Variants in SMOX observed in about 807,000 individuals in gnomAD.
SMOX encodes the protein flavin containing amine oxidase.
A neutral mutation model predicts 51.0 loss-of-function variants in SMOX; 22 were observed. The observed-to-expected ratio is 0.43, with a 90% CI of 0.31 to 0.62. SMOX has a LOEUF of 0.62. Ranked by LOEUF, SMOX falls within the 20% of genes least tolerant of loss-of-function variation. SMOX has a pLI of 0.10. For synonymous variants in SMOX, 282 were observed against 307.8 expected (o/e 0.92, Z 0.88); for missense variants, 566 against 777.7 (o/e 0.73, Z 3.24).
At chr20:4,174,993 C>T in intron 1 of SMOX, 37 bp from the exon 2 acceptor site, 1 of 1,592,952 alleles carries the variant, frequency 6.3e-7, no homozygotes, top group Non-Finnish European at 8.6e-7. Flanking sequence ...GAAGTGAAGG[C>T]AGAGCCACTA....
chr20:4,159,353 C>T lies in SMOX; in HGVS notation c.-27+10376C>T, dbSNP rs528053338. Among the ~76,000 whole-genome samples the T allele has an allele frequency of 1.6e-3, 247 of 152,272 alleles. 1 individual carries two copies. The highest frequency in any genetic ancestry group is 5.9e-3 in the African/African-American group (245 of 41,534). On this transcript the variant is annotated intron_variant, in intron 1 of 6. Coordinates refer to ENST00000305958, the MANE Select transcript of SMOX (RefSeq NM_175839.3). ...TCTCAAACTCCTGACTTCAAGTGAT[C>T]CGCCCACTTCGACCTCCCAAAGTGC...
At chr20:4,165,611 G>A (rs564079696) in intron 1 of SMOX, among the ~76,000 whole-genome samples, 1 of 152,306 alleles carries the variant, frequency 6.6e-6, no homozygotes, top group East Asian at 1.9e-4. Context: ...TTATCCTAAG[G>A]GCCACTAAAG....
At chr20:4,156,024 G>T (rs6076623) in intron 1 of SMOX, among the ~76,000 whole-genome samples, 36,729 of 152,088 alleles carry the variant, frequency 0.24, 5,606 homozygotes, top group Non-Finnish European at 0.32. Context: ...TGCGGGATGG[G>T]AGGGGATAAC....
rs1245073300 is a variant in SMOX, at chr20:4,187,089, A to C, written c.1531-181A>C. ...CAAGACAGAAAGAGCCAAGGGAAGA[A>C]GCAGGGGAAAGTGGCCAGATAGGAT... is the stretch of plus-strand genomic sequence containing the variant. On this transcript the variant is annotated intron_variant, in intron 6 of 6. Coordinates refer to ENST00000305958, the MANE Select transcript of SMOX (RefSeq NM_175839.3). The surrounding 1 kb of genome is among the most constrained non-coding windows in gnomAD (Gnocchi z 4.8). 6.6e-6 allele frequency among the ~76,000 whole-genome samples: 1 copy of C among 152,208 alleles called. No homozygotes were observed. Among genetic ancestry groups the C allele is most frequent in the Non-Finnish European group, 1.5e-5 (1 of 68,032 alleles).
chr20:4,163,330 T>C (rs1225182300), intron 1 of SMOX, among the ~76,000 whole-genome samples: 1 of 152,222 alleles, frequency 6.6e-6, no homozygotes, highest in Non-Finnish European at 1.5e-5. Context: ...AGTTCCTGTC[T>C]CTTGGGCCTT....
rs564239607 is a variant in SMOX at position 4,149,451 on chromosome 20, C to T, written c.-27+474C>T. On this transcript the variant is annotated intron_variant, in intron 1 of 6. Coordinates refer to ENST00000305958, the MANE Select transcript of SMOX (RefSeq NM_175839.3). This position sits in a 1 kb window ranked among gnomAD's most constrained non-coding sequence, Gnocchi z 6.0. ...AGGACAGAAGGCTCCCGGGTGATGG[C>T]CCGAACGCCAGGAGAGGCTGTGCTG... is the stretch of plus-strand genomic sequence containing the variant. Among the ~76,000 whole-genome samples the T allele has an allele frequency of 4.4e-3, 667 of 152,254 alleles. 4 individuals carry two copies. The highest frequency in any genetic ancestry group is 0.015 in the African/African-American group (619 of 41,570).
rs372589961 is a variant in SMOX at position 4,181,953 on chromosome 20, G to T, written c.586G>T (p.Ala196Ser). ...DPEATKRLKL[A>S]MIQQYLKVES... Reference sequence around the variant, plus strand: ...AGAGGCTACCAAGCGCCTGAAGCTCGCCATGATCCAGCAGTACCTGAAGGT... The same window carrying T: ...AGAGGCTACCAAGCGCCTGAAGCTCTCCATGATCCAGCAGTACCTGAAGGT... Residue 196 changes from alanine to serine, a missense_variant, in exon 4 of 7, where the codon GCC (alanine) becomes TCC (serine). By Grantham distance (99) the Ala-to-Ser change is moderately conservative (BLOSUM62 1). Around this residue, in one of 3 missense-constraint regions of SMOX, gnomAD observed 217 missense variants for 278.4 expected, o/e 0.78. Coordinates refer to ENST00000305958, the MANE Select transcript of SMOX (RefSeq NM_175839.3). This position sits in a 1 kb window ranked among gnomAD's most constrained non-coding sequence, Gnocchi z 5.6. The T allele has an allele frequency of 5.0e-6, 8 of 1,614,016 alleles. No individual in the cohort carries two copies. The highest frequency in any genetic ancestry group is 2.2e-5 in the South Asian group (2 of 91,086).
Position 4,167,072 on chromosome 20 carries a change from C to A in SMOX, c.-26-7958C>A, listed in dbSNP as rs1486053003. 6.6e-6 allele frequency among the ~76,000 whole-genome samples: 1 copy of A among 152,198 alleles called. No individual in the cohort carries two copies. The highest frequency in any genetic ancestry group is 1.5e-5 in the Non-Finnish European group (1 of 68,032). ...CTCCCAAGCTTTTCCCTTTCATGAG[C>A]TTGGAGCTGGCTAATGGCCACCACC... is the stretch of plus-strand genomic sequence containing the variant. On this transcript the variant is annotated intron_variant, in intron 1 of 6. Transcript: ENST00000305958. The surrounding 1 kb of genome is among the most constrained non-coding windows in gnomAD (Gnocchi z 4.8).
chr20:4,177,124 G>A lies in SMOX; in HGVS notation c.209-227G>A, dbSNP rs1036490960. On this transcript the variant is annotated intron_variant, in intron 2 of 6. Transcript: ENST00000305958. This position sits in a 1 kb window ranked among gnomAD's most constrained non-coding sequence, Gnocchi z 4.3. ...AACTGGTCCAGTAAGGCCACTCTGG[G>A]ACAAATCACAGAGTCATCCAAGGTG... Among the ~76,000 whole-genome samples the A allele has an allele frequency of 1.3e-5, 2 of 152,192 alleles. No homozygotes were observed. The highest frequency in any genetic ancestry group is 2.9e-5 in the Non-Finnish European group (2 of 68,046).
intron 1 of SMOX, among the ~76,000 whole-genome samples, chr20:4,164,709 C>G (rs986915083): frequency 3.3e-5 from 5 of 152,254 alleles, no homozygotes; most frequent in African/African-American, 1.2e-4. Flanking sequence ...GGGCTGATAC[C>G]TTGGTGTTGA....
chr20:4,160,889 G>A (rs562835124), intron 1 of SMOX, among the ~76,000 whole-genome samples: 74 of 152,276 alleles, frequency 4.9e-4, no homozygotes, highest in African/African-American at 1.7e-3. Context: ...TGGGCAGAGT[G>A]GGACCCTGTG....
intron 1 of SMOX, among the ~76,000 whole-genome samples, chr20:4,162,231 G>A (rs13040079): frequency 4.0e-5 from 6 of 151,690 alleles, no homozygotes; most frequent in Non-Finnish European, 7.4e-5. Context: ...ACGCTGGAAG[G>A]CTTCCCCACT....
intron 6 of SMOX, among the ~76,000 whole-genome samples, chr20:4,185,184 T>C (rs898544247): frequency 2.0e-5 from 3 of 152,218 alleles, no homozygotes; most frequent in Non-Finnish European, 4.4e-5. Context: ...GACTTTGTTA[T>C]TGAGGAGAAA....
chr20:4,165,103 A>G (rs568280382), intron 1 of SMOX, among the ~76,000 whole-genome samples: 167 of 127,588 alleles, frequency 1.3e-3, no homozygotes, highest in African/African-American at 4.9e-3. Flanking sequence ...TGTCCAGGCT[A>G]GAGTGCAGTG....
At chr20:4,151,990 A>G (rs1600790533) in intron 1 of SMOX, among the ~76,000 whole-genome samples, 1 of 152,162 alleles carries the variant, frequency 6.6e-6, no homozygotes, top group East Asian at 1.9e-4. Context: ...TTAAACTTCA[A>G]GTGACCCTGA....
chr20:4,168,307 G>T (rs1986659779), intron 1 of SMOX, among the ~76,000 whole-genome samples: 1 of 152,226 alleles, frequency 6.6e-6, no homozygotes, highest in Non-Finnish European at 1.5e-5. Flanking sequence ...GGTTGGAGGA[G>T]GGAGGAGGCT....
Position 4,172,381 on chromosome 20 carries a change from C to T in SMOX, c.-26-2649C>T, listed in dbSNP as rs1285469054. On this transcript the variant is annotated intron_variant, in intron 1 of 6. Coordinates refer to ENST00000305958, the MANE Select transcript of SMOX (RefSeq NM_175839.3). This position sits in a 1 kb window ranked among gnomAD's most constrained non-coding sequence, Gnocchi z 7.7. ...TCCGGCGGCATCGCCGCTGACCCTC[C>T]CCGCCCGCCCCGTGCAGGCGGCCAC... 6.6e-6 allele frequency among the ~76,000 whole-genome samples: 1 copy of T among 152,184 alleles called. No individual in the cohort carries two copies. The highest frequency in any genetic ancestry group is 1.5e-5 in the Non-Finnish European group (1 of 68,036).
rs1439826035 is a variant in SMOX, at chr20:4,187,490, TC to T, written c.*85del. 6.4e-7 allele frequency: 1 copy of T among 1,554,882 alleles called. No individual in the cohort carries two copies. Among genetic ancestry groups the T allele is most frequent in the Non-Finnish European group, 8.7e-7 (1 of 1,148,200 alleles). On this transcript the variant is annotated 3_prime_UTR_variant, in exon 7 of 7. Transcript: ENST00000305958. The surrounding 1 kb of genome is among the most constrained non-coding windows in gnomAD (Gnocchi z 4.8). ...CTGCCGTGTGCTCCTGCCTTCCTGA[TC>T]CTCTGTAGAAAGGATTTTTATCTTC... is the stretch of plus-strand genomic sequence containing the variant.
Position 4,166,840 on chromosome 20 carries a change from CCTT to C in SMOX, c.-26-8184_-26-8182del, listed in dbSNP as rs1401105772. Among the ~76,000 whole-genome samples, 5 of 152,196 alleles carry C rather than the reference CCTT, an allele frequency of 3.3e-5. No individual in the cohort carries two copies. Among genetic ancestry groups the C allele is most frequent in the African/African-American group, 1.2e-4 (5 of 41,448 alleles). On this transcript the variant is annotated intron_variant, in intron 1 of 6. Transcript: ENST00000305958. This position sits in a 1 kb window ranked among gnomAD's most constrained non-coding sequence, Gnocchi z 4.2. ...CATGCCTGCCAAGGCCCCCTGGCTC[CCTT>C]CTTCTCATCTGAAATTCGCTTACAA...
Sources: allele counts gnomAD v4.1 joint callset (sites outside exome capture counted in the v4.1 genomes callset), GRCh38; gene constraint gnomAD v4.1.1; regional missense constraint gnomAD v4.1.1; non-coding constraint Gnocchi (gnomAD v3.1); transcripts MANE v1.5; gene names NCBI Gene and HGNC (gene_info 2026-07-23, HGNC 2026-07-21).